PTCH1: variants seen among roughly 807,000 people sequenced by gnomAD.
The protein encoded by PTCH1 is patched 1, also known as protein patched homolog 1.
A neutral mutation model predicts 144.6 loss-of-function variants in PTCH1; 14 were observed. The observed-to-expected ratio is 0.10, with a 90% CI of 0.06 to 0.15. The LOEUF (loss-of-function observed/expected upper bound fraction) is 0.15, where lower values mean the gene tolerates loss of function less well. Among genes scored for constraint, PTCH1 ranks in the 10% least tolerant of loss-of-function variants. The pLI is 1.00. For synonymous variants in PTCH1, 833 were observed against 793.6 expected (o/e 1.05, Z -0.83); for missense variants, 1,623 against 1,948.3 (o/e 0.83, Z 3.14).
rs1843898216 is a variant in PTCH1, at chr9:95,508,256, T to C, written c.106A>G (p.Thr36Ala). Residue 36 changes from threonine (T) to alanine (A), a missense_variant, in exon 1 of 24, where the codon ACG becomes GCG. By Grantham distance (58) the Thr-to-Ala change is moderately conservative. Coordinates refer to ENST00000331920, the MANE Select transcript of PTCH1 (RefSeq NM_000264.5). ...RPAGGGRRRR[T>A]GGLRRAAAPD... ...GCGGCAGCACGGCGCAGCCCCCCCG[T>C]CCGTCTGCGCCTCCCGCCTCCAGCC... 6.3e-7 allele frequency: 1 copy of C among 1,597,558 alleles called. No individual in the cohort carries two copies. The highest frequency in any genetic ancestry group is 1.3e-5 in the African/African-American group (1 of 74,306).
chr9:95,492,962 C>T (rs1842530506), intron 2 of PTCH1, among the ~76,000 whole-genome samples: 1 of 152,086 alleles, frequency 6.6e-6, no homozygotes, highest in Non-Finnish European at 1.5e-5. Flanking sequence ...CAAATTCTGC[C>T]ATCTTATTCT....
rs1479871006 is a variant in PTCH1 at position 95,506,435 on chromosome 9, C to G, written c.366G>C (p.Glu122Asp). ...CCACCCACAGCTCCTCCACGTTGGT[C>G]TCGAGGTTCGCTGCTTTTAATCCCA... The part of the protein sequence containing the change: ...FAVGLKAANL[E>D]TNVEELWVEV... Residue 122 changes from glutamate (E) to aspartate (D), a missense_variant, in exon 2 of 24, where the codon GAG becomes GAC. This residue lies in a region of PTCH1 where 245 missense variants were observed against 240.6 expected (regional missense o/e 1.02). Coordinates refer to ENST00000331920, the MANE Select transcript of PTCH1 (RefSeq NM_000264.5). The G allele has an allele frequency of 1.2e-6, 2 of 1,612,236 alleles. No individual in the cohort carries two copies. The highest frequency in any genetic ancestry group is 1.7e-5 in the Admixed American group (1 of 59,882).
chr9:95,508,136 TGG>T, intron 1 of PTCH1, 23 bp downstream of exon 1: 2 of 1,611,196 alleles, frequency 1.2e-6, no homozygotes, highest in Non-Finnish European at 1.7e-6. Flanking sequence ...GAAGAGAAAG[TGG>T]GAGGAGAGAG....
rs200749389 is a variant in PTCH1, at chr9:95,480,103, G to A, written c.946-13C>T. 6.8e-5 allele frequency: 109 copies of A among 1,613,806 alleles called. No individual in the cohort carries two copies. The African/African-American group carries it at 1.3e-3, about 19-fold the overall frequency. ...CCATATCAAGAGGCTAAAATAAAAA[G>A]ACAGCCACATAATTATGGGAATTAG... On this transcript the variant is annotated splice_polypyrimidine_tract_variant and intron_variant, in intron 6 of 23. Transcript: ENST00000331920.
chr9:95,447,477 A>T (rs765821249), intron 22 of PTCH1, 26 bp from the exon 23 acceptor site: 2 of 1,531,718 alleles, frequency 1.3e-6, no homozygotes, highest in Non-Finnish European at 1.7e-6. Context: ...GTGGGTTAGA[A>T]GGGTGGTATC....
At chr9:95,486,978 T>C (rs1007200550) in intron 2 of PTCH1, among the ~76,000 whole-genome samples, 2 of 152,178 alleles carry the variant, frequency 1.3e-5, no homozygotes, top group Admixed American at 6.5e-5. Context: ...AGCGACAGTT[T>C]AGAAAAAAAC....
chr9:95,506,902 G>A (rs1297530319), intron 1 of PTCH1: 3 of 1,117,190 alleles, frequency 2.7e-6, no homozygotes, highest in Non-Finnish European at 3.3e-6. Context: ...CCGAGGTAGA[G>A]AGGAGAGAAA....
chr9:95,456,218 G>A (rs2136646142), intron 19 of PTCH1, 58 bp downstream of exon 19: 1 of 1,605,596 alleles, frequency 6.2e-7, no homozygotes. Context: ...GAGACAAACA[G>A]AGCCAGAGGA....
intron 2 of PTCH1, among the ~76,000 whole-genome samples, chr9:95,488,721 G>C (rs1842168887): frequency 6.6e-6 from 1 of 152,218 alleles, no homozygotes; most frequent in Non-Finnish European, 1.5e-5. Flanking sequence ...ACAGGCAACA[G>C]CCAAGCAAAA....
intron 2 of PTCH1, among the ~76,000 whole-genome samples, chr9:95,497,489 CT>C (rs34936369): frequency 0.37 from 55,897 of 152,030 alleles, 10,957 homozygotes; most frequent in African/African-American, 0.49. Context: ...AACCCATCAG[CT>C]TTTCCAGGCT....
At chr9:95,512,383 C>A, upstream of PTCH1, among the ~76,000 whole-genome samples, 1 of 132,808 alleles carries the variant, frequency 7.5e-6, no homozygotes, top group African/African-American at 2.7e-5. Context: ...CTCCCCACCC[C>A]CCACCCGCCG....
At chr9:95,479,264 T>C in intron 7 of PTCH1, 117 bp from the exon 8 acceptor site, 6 of 1,298,990 alleles carry the variant, frequency 4.6e-6, no homozygotes, top group Non-Finnish European at 6.6e-6. Context: ...TCCTTCTCTG[T>C]GAGCACATGT....
chr9:95,454,014 A>G (rs1277751146), intron 19 of PTCH1, among the ~76,000 whole-genome samples: 2 of 152,234 alleles, frequency 1.3e-5, no homozygotes, highest in Non-Finnish European at 2.9e-5. Context: ...AGCTTAGCTC[A>G]GTGTCCCAAG....
Position 95,480,583 on chromosome 9 carries a change from T to C in PTCH1, c.752A>G (p.Lys251Arg), listed in dbSNP as rs754650075. 10 of 1,613,402 alleles carry C rather than the reference T, an allele frequency of 6.2e-6. 1 individual carries two copies. In the South Asian group the frequency reaches 1.1e-4, roughly 18 times the overall value. ...LQSGTAYLLG[K>R]PPLRWTNFDP... The stretch of plus-strand genomic sequence containing the variant: ...GAAGTTTGTCCACCGCAAAGGAGGT[T>C]TACCTCTGCAAAAGAAATTAGGAGA... Residue 251 changes from lysine to arginine, a missense_variant, in exon 6 of 24, where the codon AAA becomes AGA. This residue lies in a region of PTCH1 where 230 missense variants were observed against 271.0 expected (regional missense o/e 0.85). Transcript: ENST00000331920.
chr9:95,450,024 CAACGCCAGAAATGA>C (rs1838327755), intron 20 of PTCH1, 84 bp from the exon 21 acceptor site: 1 of 1,251,466 alleles, frequency 8.0e-7, no homozygotes, highest in Non-Finnish European at 1.2e-6. Context: ...AGCAGCATGG[CAACGCCAGAAATGA>C]ACAAAACCCA....
Position 95,458,495 on chromosome 9 carries a change from AT to A in PTCH1, c.2888-203del, listed in dbSNP as rs772533437. Among the ~76,000 whole-genome samples the A allele has an allele frequency of 3.6e-4, 55 of 152,290 alleles. 1 individual carries two copies. The South Asian group carries it at 3.7e-3, about 10-fold the overall frequency. ...AAATGTTTAACTCTGTGATGTGTGT[AT>A]TTTTTAAGATTTGATTTTAATCTTC... is the stretch of plus-strand genomic sequence containing the variant. On this transcript the variant is annotated intron_variant, in intron 17 of 23. Coordinates refer to ENST00000331920, the MANE Select transcript of PTCH1 (RefSeq NM_000264.5). This position sits in a 1 kb window ranked among gnomAD's most constrained non-coding sequence, Gnocchi z 4.7.
intron 20 of PTCH1, 79 bp from the exon 21 acceptor site, chr9:95,450,019 C>G: frequency 1.6e-6 from 2 of 1,273,712 alleles, no homozygotes; most frequent in Non-Finnish European, 2.3e-6. Flanking sequence ...GACACAGCAG[C>G]ATGGCAACGC....
intron 12 of PTCH1, among the ~76,000 whole-genome samples, chr9:95,471,544 G>A (rs2118144947): frequency 6.6e-6 from 1 of 152,374 alleles, no homozygotes; most frequent in African/African-American, 2.4e-5. Context: ...GTCTAGTACT[G>A]TGCTGGGTGC....
At chr9:95,454,106 A>T (rs1838708210) in intron 19 of PTCH1, among the ~76,000 whole-genome samples, 4 of 152,250 alleles carry the variant, frequency 2.6e-5, no homozygotes, top group Admixed American at 2.6e-4. Flanking sequence ...TTTGTAGTAC[A>T]TCTAAGCACT....
Sources: allele counts gnomAD v4.1 joint callset (sites outside exome capture counted in the v4.1 genomes callset), GRCh38; gene constraint gnomAD v4.1.1; regional missense constraint gnomAD v4.1.1; non-coding constraint Gnocchi (gnomAD v3.1); transcripts MANE v1.5; gene names NCBI Gene and HGNC (gene_info 2026-07-23, HGNC 2026-07-21).